The following PDLIM5 variants were observed in gnomAD, a reference collection of about 807,000 sequenced individuals.
PDLIM5 encodes the protein PDZ and LIM domain 5.
PDLIM5 carries 34 observed loss-of-function variants against 64.2 expected under a neutral mutation model. The observed-to-expected ratio is 0.53, with a 90% CI of 0.40 to 0.71. The LOEUF (loss-of-function observed/expected upper bound fraction) is 0.71. Among genes scored for constraint, PDLIM5 ranks in the 30% least tolerant of loss-of-function variants. The probability of loss-of-function intolerance (pLI) is 0.00; values close to 1 mark genes in which losing one functional copy is unlikely to be tolerated. For missense variants in PDLIM5, 683 were observed against 733.6 expected, an observed-to-expected ratio of 0.93 and a Z score of 0.80; for synonymous variants, 253 against 269.1, an observed-to-expected ratio of 0.94 and a Z score of 0.59.
chr4:94,616,443 C>T (rs191569524), intron 7 of PDLIM5, among the ~76,000 whole-genome samples: 295 of 152,198 alleles, frequency 1.9e-3, no homozygotes, highest in African/African-American at 6.7e-3. Flanking sequence ...AAATGTTACT[C>T]GGTACACTTA....
chr4:94,488,329 A>G (rs1025029103), intron 2 of PDLIM5, among the ~76,000 whole-genome samples: 1 of 152,210 alleles, frequency 6.6e-6, no homozygotes, highest in Admixed American at 6.5e-5. Flanking sequence ...GACTTACAAA[A>G]TTCATTTTCA....
chr4:94,467,314 GTT>G (rs1173951811), intron 2 of PDLIM5, among the ~76,000 whole-genome samples: 5 of 138,008 alleles, frequency 3.6e-5, no homozygotes, highest in Non-Finnish European at 6.3e-5. Flanking sequence ...ACTGAGGAAA[GTT>G]TTTTTTTTTT....
Position 94,665,501 on chromosome 4 carries a change from AAAAAAG to A in PDLIM5, c.*1436_*1441del. ...GCTCTTAAAAAAAAAAAAAAAAAAA[AAAAAAG>A]AGAGAGAGAGAATAAATAGAAAAGA... On this transcript the variant is annotated 3_prime_UTR_variant, in exon 13 of 13. Coordinates refer to ENST00000317968, the MANE Select transcript of PDLIM5 (RefSeq NM_006457.5). 1 of 789,038 alleles carries A rather than the reference AAAAAAG, an allele frequency of 1.3e-6. No homozygotes were observed. The allele number at this position is 789,038 out of a possible 1,614,324, so 48.9% of individuals were successfully genotyped here. A position where few individuals can be genotyped will look rare whatever the true frequency, so the allele number is the denominator to read the frequency against.
intron 7 of PDLIM5, among the ~76,000 whole-genome samples, chr4:94,597,427 A>C (rs1428808509): frequency 3.3e-5 from 5 of 152,196 alleles, no homozygotes; most frequent in Non-Finnish European, 4.4e-5. Context: ...AATCCTTTAT[A>C]TATGAAAGGT....
At chr4:94,463,650 C>T (rs1481722535) in intron 2 of PDLIM5, among the ~76,000 whole-genome samples, 2 of 152,110 alleles carry the variant, frequency 1.3e-5, no homozygotes. Context: ...GAGTTGGGCA[C>T]ACTTGGTGTA....
intron 7 of PDLIM5, among the ~76,000 whole-genome samples, chr4:94,603,486 C>T (rs977943648): frequency 6.6e-6 from 1 of 152,082 alleles, no homozygotes; most frequent in African/African-American, 2.4e-5. Flanking sequence ...CCCCCCCAAC[C>T]CTCCGCAAAC....
intron 11 of PDLIM5, among the ~76,000 whole-genome samples, chr4:94,659,010 A>T (rs1472197667): frequency 6.6e-6 from 1 of 152,256 alleles, no homozygotes; most frequent in East Asian, 1.9e-4. Context: ...AAAACAGTCT[A>T]GCCTTAATAC....
At chr4:94,650,291 G>T (rs1017281807) in intron 9 of PDLIM5, among the ~76,000 whole-genome samples, 2 of 152,112 alleles carry the variant, frequency 1.3e-5, no homozygotes, top group Admixed American at 6.5e-5. Flanking sequence ...TCCTGTGGCT[G>T]TGTTGTTCTT....
intron 2 of PDLIM5, among the ~76,000 whole-genome samples, chr4:94,499,271 A>C (rs2126130051): frequency 6.6e-6 from 1 of 152,186 alleles, no homozygotes; most frequent in East Asian, 1.9e-4. Context: ...AAAATATAAA[A>C]TGGAGGAAAA....
intron 11 of PDLIM5, among the ~76,000 whole-genome samples, chr4:94,659,491 T>C (rs1446059286): frequency 9.5e-6 from 1 of 105,644 alleles, no homozygotes; most frequent in East Asian, 3.3e-4. Context: ...TATATATGTG[T>C]GTATGTGTGT....
chr4:94,640,410 A>C lies in PDLIM5; in HGVS notation c.1243A>C (p.Lys415Gln). ...VQRAEHIPAG[K>Q]RTPMCAHCNQ... is the part of the protein sequence containing the mutation. ...AAGAGCTGAGCACATTCCAGCAGGG[A>C]AACGAACTCCGATGTGCGCCCATTG... The change falls in exon 9 of 13, where the codon AAA becomes CAA. Residue 415 changes from lysine (K) to glutamine (Q), a missense_variant. Transcript: ENST00000317968. 1 of 1,609,768 alleles carries C rather than the reference A, an allele frequency of 6.2e-7. No homozygotes were observed. Among genetic ancestry groups the C allele is most frequent in the South Asian group, 1.1e-5 (1 of 90,550 alleles).
chr4:94,476,990 A>T (rs1369607506), intron 2 of PDLIM5, among the ~76,000 whole-genome samples: 2 of 152,214 alleles, frequency 1.3e-5, no homozygotes, highest in East Asian at 3.8e-4. Flanking sequence ...TTTTAATGTT[A>T]GTATGGATTC....
rs770874693 is a variant in PDLIM5, at chr4:94,570,398, G to T, written c.249-2953G>T. Among the ~76,000 whole-genome samples the T allele has an allele frequency of 4.1e-4, 62 of 152,130 alleles. 1 individual carries two copies. Among genetic ancestry groups the T allele is most frequent in the Non-Finnish European group, 8.8e-5 (6 of 68,006 alleles). ...AGTAAGATAGAGAAGATGCAAAGAG[G>T]GAGAAAAGGAGTGAGTGTGTGAGTG... On this transcript the variant is annotated intron_variant, in intron 3 of 12. Transcript: ENST00000317968.
chr4:94,465,559 C>G (rs1303816500), intron 2 of PDLIM5, among the ~76,000 whole-genome samples: 1 of 152,116 alleles, frequency 6.6e-6, no homozygotes, highest in Non-Finnish European at 1.5e-5. Context: ...TGCCACCACA[C>G]CTGGCTAATT....
At chr4:94,642,368 A>G (rs1360959364) in intron 9 of PDLIM5, among the ~76,000 whole-genome samples, 2 of 152,164 alleles carry the variant, frequency 1.3e-5, no homozygotes, top group African/African-American at 4.8e-5. Context: ...TAATATGGAG[A>G]AAATGTGAAG....
intron 9 of PDLIM5, among the ~76,000 whole-genome samples, chr4:94,651,718 T>C (rs1741858361): frequency 6.6e-6 from 1 of 152,200 alleles, no homozygotes; most frequent in Non-Finnish European, 1.5e-5. Context: ...AGACTACTGC[T>C]GAGGAAAAGC....
chr4:94,481,343 G>A (rs1362772027), intron 2 of PDLIM5, among the ~76,000 whole-genome samples: 1 of 147,980 alleles, frequency 6.8e-6, no homozygotes, highest in Non-Finnish European at 1.5e-5. Flanking sequence ...AGGCTGGAGT[G>A]CAGTGGTGCG....
intron 2 of PDLIM5, among the ~76,000 whole-genome samples, chr4:94,511,592 C>A (rs1049348065): frequency 2.7e-5 from 2 of 74,236 alleles, no homozygotes; most frequent in African/African-American, 9.0e-5. Flanking sequence ...ATCAGACATC[C>A]CCCCCAACAC....
At chr4:94,502,664 G>A (rs1728032778) in intron 2 of PDLIM5, among the ~76,000 whole-genome samples, 1 of 152,078 alleles carries the variant, frequency 6.6e-6, no homozygotes, top group Non-Finnish European at 1.5e-5. Context: ...ATCTTTTGAG[G>A]TCAGGAGTGC....
Sources: gnomAD v4.1 joint callset for allele counts (sites outside exome capture counted in the v4.1 genomes callset) on GRCh38, gnomAD v4.1.1 for gene constraint, MANE v1.5 for transcripts, NCBI Gene and HGNC (gene_info 2026-07-23, HGNC 2026-07-21) for gene names.